Variants in SMYD3 observed in about 807,000 individuals in gnomAD.
SMYD3 encodes SET and MYND domain containing 3, also known as histone-lysine N-methyltransferase SMYD3.
Under a neutral mutation model 57.7 loss-of-function variants are expected in SMYD3, and 36 were observed. The observed-to-expected ratio is 0.62, with a 90% CI of 0.48 to 0.82. SMYD3 has a LOEUF of 0.82. Ranked by LOEUF, SMYD3 falls within the 40% of genes least tolerant of loss-of-function variation. SMYD3 has a pLI of 0.00. For missense variants in SMYD3, 515 were observed against 538.8 expected (o/e 0.96, Z 0.44); for synonymous variants, 211 against 195.0 (o/e 1.08, Z -0.68).
chr1:246,248,636 C>CTTTT (rs1178698803), intron 5 of SMYD3, among the ~76,000 whole-genome samples: 54 of 52,090 alleles, frequency 1.0e-3, no homozygotes, highest in African/African-American at 1.9e-3. Flanking sequence ...TCTGACTTTC[C>CTTTT]TTTTTTTTTT....
At chr1:245,820,725 A>C (rs2049113355) in intron 10 of SMYD3, among the ~76,000 whole-genome samples, 1 of 151,760 alleles carries the variant, frequency 6.6e-6, no homozygotes, top group Admixed American at 6.6e-5. Flanking sequence ...ATGTACAAAA[A>C]TCACAAGCAT....
chr1:245,899,289 C>A (rs1183889149), intron 8 of SMYD3, among the ~76,000 whole-genome samples: 2 of 152,012 alleles, frequency 1.3e-5, no homozygotes, highest in Non-Finnish European at 2.9e-5. Context: ...ACAGAGATCT[C>A]AGAGGAGTGT....
chr1:246,018,395 C>T (rs115595280), intron 5 of SMYD3, among the ~76,000 whole-genome samples: 4 of 152,316 alleles, frequency 2.6e-5, no homozygotes, highest in Non-Finnish European at 5.9e-5. Context: ...TTCCCTCTCT[C>T]CCAGGACCCC....
intron 10 of SMYD3, among the ~76,000 whole-genome samples, chr1:245,775,160 C>T (rs1270157220): frequency 1.3e-5 from 2 of 152,186 alleles, no homozygotes; most frequent in Non-Finnish European, 2.9e-5. Flanking sequence ...CCGGCAGCCG[C>T]CCCCTCCAAG....
In SMYD3 at chr1:246,374,985, C is replaced by T. The variant is rs981729653; in HGVS notation, c.165-19891G>A. ...GCTCATGCCTGTAATTCCAGCTACT[C>T]GGGAGGCTGAGGCAGAAGAATTGCT... On this transcript the variant is annotated intron_variant, in intron 1 of 11. Transcript: ENST00000490107. Among the ~76,000 whole-genome samples the T allele has an allele frequency of 5.3e-5, 8 of 152,142 alleles. No individual in the cohort carries two copies. The East Asian group carries it at 5.8e-4, about 11-fold the overall frequency.
chr1:246,343,351 T>G (rs138493992), intron 2 of SMYD3, among the ~76,000 whole-genome samples: 1 of 152,272 alleles, frequency 6.6e-6, no homozygotes, highest in Non-Finnish European at 1.5e-5. Context: ...TCAAAACAAG[T>G]AATTATCAAA....
chr1:245,983,595 T>G (rs2058644845), intron 5 of SMYD3, among the ~76,000 whole-genome samples: 1 of 152,244 alleles, frequency 6.6e-6, no homozygotes, highest in South Asian at 2.1e-4. Flanking sequence ...GTTAATAAAA[T>G]CTAACATCTG....
At chr1:246,288,634 G>C (rs1410307081) in intron 5 of SMYD3, among the ~76,000 whole-genome samples, 1 of 152,094 alleles carries the variant, frequency 6.6e-6, no homozygotes, top group Non-Finnish European at 1.5e-5. Flanking sequence ...TGCCATGGAA[G>C]GACAAGGAGG....
intron 10 of SMYD3, among the ~76,000 whole-genome samples, chr1:245,776,399 G>C (rs2046597401): frequency 6.6e-6 from 1 of 152,102 alleles, no homozygotes; most frequent in African/African-American, 2.4e-5. Flanking sequence ...TGTTTGGAAA[G>C]AAAAGAGGAG....
At chr1:246,207,955 G>C (rs1172567054) in intron 5 of SMYD3, among the ~76,000 whole-genome samples, 1 of 152,106 alleles carries the variant, frequency 6.6e-6, no homozygotes, top group Non-Finnish European at 1.5e-5. Context: ...AGTTAACCAA[G>C]ATGTGCAAAC....
At chr1:246,263,771 CT>C (rs2064055118) in intron 5 of SMYD3, among the ~76,000 whole-genome samples, 1 of 152,132 alleles carries the variant, frequency 6.6e-6, no homozygotes, top group South Asian at 2.1e-4. Context: ...ATGATCAAAC[CT>C]AAATAGTGGT....
chr1:246,152,300 TGGGGACAAGG>T (rs745578695), intron 5 of SMYD3, among the ~76,000 whole-genome samples: 30 of 152,274 alleles, frequency 2.0e-4, no homozygotes, highest in Middle Eastern at 3.4e-3. Context: ...TAACACATCC[TGGGGACAAGG>T]GTGTAGTCCA....
chr1:245,829,818 C>T (rs992889948), intron 10 of SMYD3, among the ~76,000 whole-genome samples: 3 of 152,108 alleles, frequency 2.0e-5, no homozygotes, highest in African/African-American at 7.2e-5. Flanking sequence ...ATACATGCCA[C>T]AACATGCATG....
intron 8 of SMYD3, among the ~76,000 whole-genome samples, chr1:245,898,465 C>G (rs1265191196): frequency 9.9e-5 from 15 of 152,182 alleles, no homozygotes; most frequent in Non-Finnish European, 2.2e-4. Flanking sequence ...CTAGAGAGCA[C>G]TGAATGGCAA....
At position 245,819,045 on chromosome 1, in the gene SMYD3, T is replaced by A. The variant is rs1461664627; in HGVS notation, c.1076+39451A>T. ...AACTCAGCTCTGCACCAAGCGGACC[T>A]AATAGACATCTACAGAACTCTCCAC... is the stretch of plus-strand genomic sequence containing the variant. On this transcript the variant is annotated intron_variant, in intron 10 of 11. Coordinates refer to ENST00000490107, the MANE Select transcript of SMYD3 (RefSeq NM_001167740.2). Among the ~76,000 whole-genome samples, 751 of 114,672 alleles carry A rather than the reference T, an allele frequency of 6.5e-3. 12 individuals carry two copies. Among genetic ancestry groups the A allele is most frequent in the African/African-American group, 0.025 (718 of 28,406 alleles). 75.2% of individuals were successfully genotyped at this position (114,672 alleles called of 152,430 possible).
At chr1:246,474,279 C>T (rs1309721291) in intron 1 of SMYD3, among the ~76,000 whole-genome samples, 2 of 151,870 alleles carry the variant, frequency 1.3e-5, no homozygotes, top group African/African-American at 4.8e-5. Context: ...AAGCACTTTG[C>T]GGGGCCAAGG....
At chr1:246,194,768 T>C (rs2062804844) in intron 5 of SMYD3, among the ~76,000 whole-genome samples, 1 of 152,230 alleles carries the variant, frequency 6.6e-6, no homozygotes, top group Non-Finnish European at 1.5e-5. Flanking sequence ...CGGCTACTGA[T>C]TGCCATATTG....
intron 5 of SMYD3, among the ~76,000 whole-genome samples, chr1:246,069,664 C>G (rs541221938): frequency 2.6e-4 from 40 of 152,320 alleles, no homozygotes; most frequent in African/African-American, 9.4e-4. Flanking sequence ...GACATCACCT[C>G]GAGCTTTTCA....
intron 1 of SMYD3, among the ~76,000 whole-genome samples, chr1:246,423,161 G>T (rs1403395114): frequency 2.0e-5 from 3 of 151,978 alleles, no homozygotes; most frequent in African/African-American, 7.3e-5. Context: ...GCCGGGCATG[G>T]TGGCGCATGC....
Sources: gnomAD v4.1 joint callset for allele counts (sites outside exome capture counted in the v4.1 genomes callset) on GRCh38, gnomAD v4.1.1 for gene constraint, MANE v1.5 for transcripts, NCBI Gene and HGNC (gene_info 2026-07-23, HGNC 2026-07-21) for gene names.